TRAK1: variants seen among roughly 807,000 people sequenced by gnomAD.
TRAK1 encodes trafficking kinesin protein 1.
A neutral mutation model predicts 92.1 loss-of-function variants in TRAK1; 33 were observed. That is an observed-to-expected ratio of 0.36 (90% CI 0.27 to 0.48). The LOEUF is 0.48. Ranked by LOEUF, TRAK1 falls within the 20% of genes least tolerant of loss-of-function variation. The pLI, the probability that TRAK1 is intolerant of heterozygous loss-of-function variation, is 0.99. For missense variants in TRAK1, 1,123 were observed against 1,257.9 expected, an observed-to-expected ratio of 0.89 and a Z score of 1.62; for synonymous variants, 521 against 517.3, an observed-to-expected ratio of 1.01 and a Z score of -0.10.
At chr3:42,059,760 G>A (rs993723602) in intron 1 of TRAK1, among the ~76,000 whole-genome samples, 11 of 152,160 alleles carry the variant, frequency 7.2e-5, no homozygotes, top group Non-Finnish European at 1.6e-4. Context: ...GCTCTTCTAG[G>A]CAGGATATAG....
At chr3:42,169,089 G>T (rs1322334903) in intron 2 of TRAK1, among the ~76,000 whole-genome samples, 8 of 151,952 alleles carry the variant, frequency 5.3e-5, no homozygotes, top group Non-Finnish European at 1.5e-5. Flanking sequence ...CTCCCAAAGT[G>T]CTGGGATTAC....
intron 1 of TRAK1, among the ~76,000 whole-genome samples, chr3:42,122,561 C>G (rs951562840): frequency 6.6e-6 from 1 of 152,130 alleles, no homozygotes; most frequent in Non-Finnish European, 1.5e-5. Context: ...TAGGTGTCAG[C>G]CCTGTTTAAC....
intron 1 of TRAK1, among the ~76,000 whole-genome samples, chr3:42,074,448 G>A (rs1276247135): frequency 6.6e-6 from 1 of 152,144 alleles, no homozygotes; most frequent in Non-Finnish European, 1.5e-5. Context: ...TAGAGAACAG[G>A]GAGACTGTAG....
intron 14 of TRAK1, chr3:42,210,421 A>C: frequency 1.5e-6 from 2 of 1,298,546 alleles, no homozygotes; most frequent in East Asian, 2.8e-5. Context: ...AAAAAAAAAA[A>C]AAAAGTGGGC....
chr3:42,088,792 T>G (rs1704824412), upstream of TRAK1, among the ~76,000 whole-genome samples: 1 of 152,150 alleles, frequency 6.6e-6, no homozygotes, highest in Admixed American at 6.5e-5. Context: ...GTCCCCACAC[T>G]CTCCCTGTTC....
chr3:42,168,175 T>G (rs546346516), intron 2 of TRAK1, among the ~76,000 whole-genome samples: 16 of 152,348 alleles, frequency 1.1e-4, no homozygotes, highest in Non-Finnish European at 1.9e-4. Flanking sequence ...AATAGTCTAG[T>G]CTAAGTGGGG....
intron 4 of TRAK1, among the ~76,000 whole-genome samples, chr3:42,186,612 G>A (rs1704894256): frequency 6.6e-6 from 1 of 152,174 alleles, no homozygotes; most frequent in Non-Finnish European, 1.5e-5. Flanking sequence ...CCCCCTCCTA[G>A]CCACTTCTGA....
At position 42,199,201 on chromosome 3, in the gene TRAK1, G is replaced by C; in HGVS notation, c.1138G>C (p.Gly380Arg). Residue 380 changes from glycine (G) to arginine (R), a missense_variant, in exon 11 of 16, where the codon GGA becomes CGA. Gly to Arg is a moderately radical substitution (Grantham distance 125). This residue lies in a region of TRAK1 where 686 missense variants were observed against 747.6 expected (regional missense o/e 0.92). Transcript: ENST00000327628. The part of the protein sequence containing the change: ...PMDSLAAEIE[G>R]TMRKELQLEE... ...GGATTCCTTGGCAGCAGAGATTGAG[G>C]GAACGATGCGCAAGGAGCTGCAGTT... The C allele has an allele frequency of 6.2e-7, 1 of 1,613,692 alleles. No homozygotes were observed. Among genetic ancestry groups the C allele is most frequent in the Non-Finnish European group, 8.5e-7 (1 of 1,180,012 alleles).
chr3:42,020,047 C>T (rs373233296), intron 1 of TRAK1, among the ~76,000 whole-genome samples: 6 of 152,288 alleles, frequency 3.9e-5, no homozygotes, highest in South Asian at 2.1e-4. Context: ...AAGGGACTGA[C>T]GGTCCAGATT....
chr3:42,138,024 A>AT (rs58146173), intron 2 of TRAK1, among the ~76,000 whole-genome samples: 73,696 of 151,948 alleles, frequency 0.49, 18,152 homozygotes, highest in South Asian at 0.61. Context: ...CCATTTCTTA[A>AT]TTTGAGTTTC....
upstream of TRAK1, among the ~76,000 whole-genome samples, chr3:42,089,396 C>T (rs1287420350): frequency 6.6e-6 from 1 of 152,158 alleles, no homozygotes; most frequent in Non-Finnish European, 1.5e-5. Flanking sequence ...TGAGAGTTGG[C>T]TTTTAATACA....
intron 1 of TRAK1, among the ~76,000 whole-genome samples, chr3:42,095,831 T>TATCA (rs1163357857): frequency 6.6e-6 from 1 of 152,140 alleles, no homozygotes; most frequent in Non-Finnish European, 1.5e-5. Flanking sequence ...AGTGCAATGG[T>TATCA]ATCAGGTGGT....
intron 15 of TRAK1, 140 bp from the exon 16 acceptor site, chr3:42,222,802 G>A (rs747907183): frequency 1.2e-6 from 1 of 807,224 alleles, no homozygotes; most frequent in African/African-American, 1.7e-5. Context: ...CGTGGACAGA[G>A]CCTTTGGGGG....
intron 2 of TRAK1, among the ~76,000 whole-genome samples, chr3:42,134,712 G>A: frequency 1.3e-5 from 2 of 150,292 alleles, no homozygotes; most frequent in Non-Finnish European, 2.9e-5. Flanking sequence ...TCAGTCTCCT[G>A]AGTAGCTGGG....
intron 2 of TRAK1, among the ~76,000 whole-genome samples, chr3:42,172,509 C>T (rs892335125): frequency 3.9e-5 from 6 of 152,200 alleles, no homozygotes; most frequent in Non-Finnish European, 8.8e-5. Flanking sequence ...CCTTGCACCC[C>T]CTCCCCCATT....
chr3:42,203,941 T>C (rs998752856), intron 13 of TRAK1: 35 of 985,698 alleles, frequency 3.6e-5, no homozygotes, highest in Non-Finnish European at 4.2e-5. Flanking sequence ...TGAGACTGCA[T>C]GCTATAAGGT....
At chr3:42,043,314 C>T (rs908201291) in intron 1 of TRAK1, among the ~76,000 whole-genome samples, 2 of 151,898 alleles carry the variant, frequency 1.3e-5, no homozygotes, top group African/African-American at 4.8e-5. Context: ...TTTTGTCCAG[C>T]ATTCCTCTCT....
intron 1 of TRAK1, among the ~76,000 whole-genome samples, chr3:42,111,821 CT>C (rs1708442102): frequency 6.6e-6 from 1 of 151,944 alleles, no homozygotes; most frequent in Non-Finnish European, 1.5e-5. Context: ...TTTGTAACCC[CT>C]ATGACAAAAT....
chr3:42,211,261 T>C, intron 14 of TRAK1: 2 of 985,432 alleles, frequency 2.0e-6, no homozygotes, highest in Non-Finnish European at 2.4e-6. Context: ...ACAGCTGTGG[T>C]CAAGGGATTT....
Sources: allele counts gnomAD v4.1 joint callset (sites outside exome capture counted in the v4.1 genomes callset), GRCh38; gene constraint gnomAD v4.1.1; regional missense constraint gnomAD v4.1.1; transcripts MANE v1.5; gene names NCBI Gene and HGNC (gene_info 2026-07-23, HGNC 2026-07-21).